C6orf89: variants seen among roughly 807,000 people sequenced by gnomAD.
C6orf89 encodes bombesin receptor-activated protein C6orf89.
In C6orf89, 29 loss-of-function variants were observed where a neutral mutation model predicts 40.7. That is an observed-to-expected ratio of 0.71 (90% confidence interval 0.53 to 0.97). The LOEUF is 0.97. Ranked by LOEUF, C6orf89 falls within the 50% of genes least tolerant of loss-of-function variation. The pLI, the probability that C6orf89 is intolerant of heterozygous loss-of-function variation, is 0.00. For missense variants in C6orf89, 392 were observed against 429.1 expected, an observed-to-expected ratio of 0.91 and a Z score of 0.76; for synonymous variants, 165 against 152.2, an observed-to-expected ratio of 1.08 and a Z score of -0.62.
At chr6:36,894,174 G>C (rs1761337346) in intron 1 of C6orf89, among the ~76,000 whole-genome samples, 1 of 152,116 alleles carries the variant, frequency 6.6e-6, no homozygotes, top group Non-Finnish European at 1.5e-5. Flanking sequence ...GGCACACCGT[G>C]TTCTCTTCTG....
intron 1 of C6orf89, among the ~76,000 whole-genome samples, chr6:36,892,215 T>G (rs538319636): frequency 1.3e-5 from 2 of 152,318 alleles, no homozygotes; most frequent in African/African-American, 4.8e-5. Flanking sequence ...AGGCCTCTCT[T>G]GAAAGCAAGG....
At chr6:36,884,463 T>C (rs1426629401), upstream of C6orf89, among the ~76,000 whole-genome samples, 1 of 152,170 alleles carries the variant, frequency 6.6e-6, no homozygotes, top group East Asian at 1.9e-4. The surrounding 1 kb of genome is among the most constrained non-coding windows in gnomAD (Gnocchi z 4.0). Flanking sequence ...GTCTCCCTGG[T>C]GCACTGTATT....
chr6:36,874,832 G>A, intron 1 of C6orf89: 1 of 1,575,010 alleles, frequency 6.3e-7, no homozygotes, highest in Non-Finnish European at 8.7e-7. Flanking sequence ...CGATTAGCTG[G>A]GGACCCGTCG....
At chr6:36,898,240 G>C (rs1004149030) in intron 2 of C6orf89, among the ~76,000 whole-genome samples, 3 of 147,952 alleles carry the variant, frequency 2.0e-5, no homozygotes, top group Admixed American at 2.0e-4. Flanking sequence ...GTGCCACCAG[G>C]CCAAGCTGAT....
At chr6:36,900,774 C>T (rs953326714) in intron 3 of C6orf89, among the ~76,000 whole-genome samples, 2 of 151,816 alleles carry the variant, frequency 1.3e-5, no homozygotes, top group South Asian at 4.2e-4. Context: ...AGACTGAGTT[C>T]GAGACTGCCC....
intron 4 of C6orf89, among the ~76,000 whole-genome samples, chr6:36,903,268 A>G (rs1761791337): frequency 6.6e-6 from 1 of 151,694 alleles, no homozygotes; most frequent in African/African-American, 2.4e-5. Flanking sequence ...CTTTTTGAGA[A>G]AGGGGGATAT....
At chr6:36,885,561 A>G (rs946022092), upstream of C6orf89, among the ~76,000 whole-genome samples, 1 of 152,122 alleles carries the variant, frequency 6.6e-6, no homozygotes, top group Non-Finnish European at 1.5e-5. Flanking sequence ...CTTTCTCAAG[A>G]GTAGTAGCTT....
chr6:36,887,315 A>G (rs114325237), intron 1 of C6orf89, among the ~76,000 whole-genome samples: 1,660 of 152,346 alleles, frequency 0.011, 24 homozygotes, highest in African/African-American at 0.036. Context: ...GTTACATTCA[A>G]TTAGTTCGGA....
At chr6:36,874,450 T>TTGAATGAA (rs147444607) in intron 1 of C6orf89, among the ~76,000 whole-genome samples, 4 of 152,154 alleles carry the variant, frequency 2.6e-5, no homozygotes, top group African/African-American at 4.8e-5. Flanking sequence ...TACACGTTTG[T>TTGAATGAA]TGAATGAATG....
intron 1 of C6orf89, among the ~76,000 whole-genome samples, chr6:36,890,345 G>C (rs998198868): frequency 6.6e-6 from 1 of 151,972 alleles, no homozygotes; most frequent in Non-Finnish European, 1.5e-5. Context: ...TCTGTTCTTT[G>C]CTTCTATGAG....
chr6:36,925,899 A>C lies in C6orf89; in HGVS notation c.*2458A>C, dbSNP rs1234544030. On this transcript the variant is annotated 3_prime_UTR_variant, in exon 9 of 9. Transcript: ENST00000480824. ...GGGTGACGATAAGACCACCTAACCAACTCCCCACCTCCACCACCACAATAA... is the reference window on the plus strand; with the variant it reads ...GGGTGACGATAAGACCACCTAACCACCTCCCCACCTCCACCACCACAATAA... 6.6e-6 allele frequency: 1 copy of C among 151,948 alleles called. No individual in the cohort carries two copies. The highest frequency in any genetic ancestry group is 2.4e-5 in the African/African-American group (1 of 41,336). 9.4% of individuals were successfully genotyped at this position (151,948 alleles called of 1,614,324 possible).
At chr6:36,908,052 A>G (rs4475317) in intron 4 of C6orf89, among the ~76,000 whole-genome samples, 38,714 of 152,130 alleles carry the variant, frequency 0.25, 5,265 homozygotes, top group African/African-American at 0.33. Context: ...GGGGAGAGGA[A>G]GAGGAGCCTG....
At chr6:36,887,206 C>T (rs902286961) in intron 1 of C6orf89, among the ~76,000 whole-genome samples, 1 of 152,108 alleles carries the variant, frequency 6.6e-6, no homozygotes, top group Non-Finnish European at 1.5e-5. Context: ...GCTCCGCCTC[C>T]CCGGTTCACA....
At chr6:36,874,972 G>A in intron 1 of C6orf89, 1 of 596,720 alleles carries the variant, frequency 1.7e-6, no homozygotes, top group South Asian at 2.1e-5. Context: ...CTGGGCTCAA[G>A]AACAGAGGAA....
intron 2 of C6orf89, among the ~76,000 whole-genome samples, chr6:36,898,278 CTTTTCTTTTT>C: frequency 7.8e-6 from 1 of 127,472 alleles, no homozygotes; most frequent in East Asian, 2.4e-4. Flanking sequence ...CTTTTCTTTT[CTTTTCTTTTT>C]TTTTTTTTGA....
chr6:36,881,501 C>T (rs114384712), upstream of C6orf89, among the ~76,000 whole-genome samples: 4 of 152,186 alleles, frequency 2.6e-5, no homozygotes, highest in East Asian at 1.9e-4. Flanking sequence ...GGTGAAATGC[C>T]GTTTCTACTA....
At chr6:36,873,346 C>G (rs1316152769) in intron 1 of C6orf89, among the ~76,000 whole-genome samples, 1 of 152,106 alleles carries the variant, frequency 6.6e-6, no homozygotes, top group Non-Finnish European at 1.5e-5. Flanking sequence ...ATAGGAAATG[C>G]CTAAAATATC....
intron 8 of C6orf89, among the ~76,000 whole-genome samples, chr6:36,922,836 C>T (rs1252537445): frequency 6.6e-6 from 1 of 152,180 alleles, no homozygotes; most frequent in Non-Finnish European, 1.5e-5. Flanking sequence ...CTTGTGTCCC[C>T]TCGGAATCCA....
Position 36,924,057 on chromosome 6 carries a change from T to G in C6orf89, c.*616T>G, listed in dbSNP as rs1762603662. 6.2e-6 allele frequency: 1 copy of G among 161,606 alleles called. No homozygotes were observed. Among genetic ancestry groups the G allele is most frequent in the South Asian group, 1.6e-4 (1 of 6,166 alleles). The allele number at this position is 161,606 out of a possible 1,614,324, so 10.0% of individuals were successfully genotyped here. A position where few individuals can be genotyped will look rare whatever the true frequency, so the allele number is the denominator to read the frequency against. ...GAGTCTCCGTGATGCCAGGCTAGAG[T>G]CTGATTATATAATAATTCAAAATGG... On this transcript the variant is annotated 3_prime_UTR_variant, in exon 9 of 9. Coordinates refer to ENST00000480824, the MANE Select transcript of C6orf89 (RefSeq NM_001286635.2).
Sources: gnomAD v4.1 joint callset for allele counts (sites outside exome capture counted in the v4.1 genomes callset) on GRCh38, gnomAD v4.1.1 for gene constraint, Gnocchi (gnomAD v3.1) non-coding constraint, MANE v1.5 for transcripts, NCBI Gene and HGNC (gene_info 2026-07-23, HGNC 2026-07-21) for gene names.